The following GUCY1A2 variants were observed in gnomAD, a reference collection of about 807,000 sequenced individuals.
The protein encoded by GUCY1A2 is guanylate cyclase 1 soluble subunit alpha 2, also known as guanylate cyclase soluble subunit alpha-2.
Under a neutral mutation model 63.5 loss-of-function variants are expected in GUCY1A2, and 27 were observed. The ratio of observed to expected loss-of-function variants is 0.43; its 90% confidence interval spans 0.31 to 0.59. The LOEUF (loss-of-function observed/expected upper bound fraction) is 0.59, where lower values mean the gene tolerates loss of function less well. GUCY1A2 is among the 20% of genes least tolerant of loss of function. The pLI is 0.11. For synonymous variants in GUCY1A2, 364 were observed against 343.5 expected (o/e 1.06, Z -0.66); for missense variants, 768 against 913.3 (o/e 0.84, Z 2.05).
At position 107,015,561 on chromosome 11, in the gene GUCY1A2, C is replaced by CAA. The variant is rs568139219; in HGVS notation, c.303+2190_303+2191dup. Reference sequence around the variant, plus strand: ...TTAGAAATCTGTAAATTCTCTTAGGCAAAAAAAAAAAAAAAAAAAAAAAAA... The same window carrying CAA: ...TTAGAAATCTGTAAATTCTCTTAGGCAAAAAAAAAAAAAAAAAAAAAAAAAAA... On this transcript the variant is annotated intron_variant, in intron 1 of 7. Coordinates refer to ENST00000526355, the MANE Select transcript of GUCY1A2 (RefSeq NM_000855.3). Among the ~76,000 whole-genome samples, 4 of 27,480 alleles carry CAA rather than the reference C, an allele frequency of 1.5e-4. 2 individuals are homozygous for CAA. The highest frequency in any genetic ancestry group is 2.3e-4 in the African/African-American group (2 of 8,738). 18.0% of individuals were successfully genotyped at this position (27,480 alleles called of 152,430 possible). A position where few individuals can be genotyped will look rare whatever the true frequency, so the allele number is the denominator to read the frequency against.
rs1219331677 is a variant in GUCY1A2 at position 106,680,384 on chromosome 11, A to T, written c.*7165T>A. 3 of 209,310 alleles carry T rather than the reference A, an allele frequency of 1.4e-5. No individual in the cohort carries two copies. In the East Asian group the frequency reaches 2.2e-4, roughly 15 times the overall value. 13.0% of individuals were successfully genotyped at this position (209,310 alleles called of 1,614,324 possible). A position where few individuals can be genotyped will look rare whatever the true frequency, so the allele number is the denominator to read the frequency against. ...CAAAAAGTCCACAGAAGAAGACTGA[A>T]TATAAAGTGATTTCTTCAGTTTAAA... On this transcript the variant is annotated 3_prime_UTR_variant, in exon 8 of 8. Transcript: ENST00000526355.
At chr11:106,954,044 G>A (rs1860948602) in intron 3 of GUCY1A2, among the ~76,000 whole-genome samples, 3 of 151,820 alleles carry the variant, frequency 2.0e-5, no homozygotes, top group Admixed American at 2.0e-4. Context: ...GTTATCTCTT[G>A]TCTTCTGCTA....
At chr11:106,863,317 A>G (rs1260918326) in intron 4 of GUCY1A2, among the ~76,000 whole-genome samples, 1 of 152,120 alleles carries the variant, frequency 6.6e-6, no homozygotes, top group Non-Finnish European at 1.5e-5. Flanking sequence ...ATTTTTATAT[A>G]AGGTGTAAGG....
At chr11:106,901,039 A>T (rs916068360) in intron 4 of GUCY1A2, among the ~76,000 whole-genome samples, 14 of 152,212 alleles carry the variant, frequency 9.2e-5, no homozygotes, top group Non-Finnish European at 1.9e-4. Flanking sequence ...ATGCAATGAT[A>T]TTTGATAGCA....
chr11:106,710,954 C>T (rs1020088481), intron 6 of GUCY1A2, among the ~76,000 whole-genome samples: 16 of 152,060 alleles, frequency 1.1e-4, no homozygotes, highest in African/African-American at 3.1e-4. Flanking sequence ...GAGACTTCTG[C>T]ATATATCAAC....
chr11:106,691,618 C>A (rs1196228030), intron 7 of GUCY1A2, among the ~76,000 whole-genome samples: 4 of 152,166 alleles, frequency 2.6e-5, no homozygotes, highest in Admixed American at 2.6e-4. Flanking sequence ...GATGTCAGAA[C>A]TTTTAAATAA....
At chr11:106,947,327 T>C (rs959616566) in intron 3 of GUCY1A2, among the ~76,000 whole-genome samples, 2 of 151,098 alleles carry the variant, frequency 1.3e-5, no homozygotes, top group Non-Finnish European at 2.9e-5. Flanking sequence ...ATCAGCAAAA[T>C]CATAGAGAAA....
intron 5 of GUCY1A2, among the ~76,000 whole-genome samples, chr11:106,785,658 T>C (rs1379428253): frequency 1.3e-5 from 2 of 152,092 alleles, no homozygotes; most frequent in Non-Finnish European, 2.9e-5. Flanking sequence ...AAGTTTTCAA[T>C]TGCAAAATTC....
intron 1 of GUCY1A2, among the ~76,000 whole-genome samples, chr11:107,004,904 A>G (rs1861653348): frequency 6.6e-6 from 1 of 152,192 alleles, no homozygotes; most frequent in Non-Finnish European, 1.5e-5. Flanking sequence ...CAAGGAGTGC[A>G]TCATAGAACC....
intron 6 of GUCY1A2, among the ~76,000 whole-genome samples, chr11:106,741,292 A>C (rs1370144232): frequency 6.6e-6 from 1 of 152,248 alleles, no homozygotes; most frequent in Non-Finnish European, 1.5e-5. Flanking sequence ...TTTTATTTAC[A>C]GCACATCTCA....
intron 1 of GUCY1A2, among the ~76,000 whole-genome samples, chr11:107,015,099 ATC>A (rs1251037722): frequency 1.3e-5 from 2 of 152,266 alleles, no homozygotes; most frequent in Admixed American, 6.5e-5. Flanking sequence ...TTGAAATATA[ATC>A]TCTCTCTTTT....
At position 106,973,921 on chromosome 11, in the gene GUCY1A2, A is replaced by T. The variant is rs76921168; in HGVS notation, c.487+4698T>A. ...TACTTGATATAAATTAACTCATTTA[A>T]TCGTCTTGGCAACTCTAGGAAGTGT... On this transcript the variant is annotated intron_variant, in intron 3 of 7. Transcript: ENST00000526355. Among the ~76,000 whole-genome samples, 992 of 152,210 alleles carry T rather than the reference A, an allele frequency of 6.5e-3. 31 individuals are homozygous for T. In the East Asian group the frequency reaches 0.093, roughly 14 times the overall value.
chr11:106,948,778 A>AG (rs1235537829), intron 3 of GUCY1A2, among the ~76,000 whole-genome samples: 1 of 152,212 alleles, frequency 6.6e-6, no homozygotes, highest in Admixed American at 6.5e-5. Flanking sequence ...ACCACAGAAC[A>AG]GTATTTCAAT....
At chr11:106,860,375 T>C (rs1335162145) in intron 4 of GUCY1A2, among the ~76,000 whole-genome samples, 1 of 151,938 alleles carries the variant, frequency 6.6e-6, no homozygotes, top group Non-Finnish European at 1.5e-5. Flanking sequence ...TCAAACATTT[T>C]ACATATTAAA....
At chr11:106,879,362 T>C (rs1261541406) in intron 4 of GUCY1A2, among the ~76,000 whole-genome samples, 1 of 152,050 alleles carries the variant, frequency 6.6e-6, no homozygotes, top group Non-Finnish European at 1.5e-5. Context: ...ATAAAACATG[T>C]ACTCAAAAAA....
At position 107,018,179 on chromosome 11, in the gene GUCY1A2, C is replaced by A. The variant is rs1861855826; in HGVS notation, c.-124G>T. 1.2e-5 allele frequency: 5 copies of A among 407,068 alleles called. No individual in the cohort carries two copies. The South Asian group carries it at 5.4e-4, about 44-fold the overall frequency. 25.2% of individuals were successfully genotyped at this position (407,068 alleles called of 1,614,324 possible). ...CGTCGGGGCCGCGGGGCGCTGCGGT[C>A]GCGCCCGGCGGGGCGGGAGTCCCCG... is the stretch of plus-strand genomic sequence containing the variant. On this transcript the variant is annotated 5_prime_UTR_variant, in exon 1 of 8. Coordinates refer to ENST00000526355, the MANE Select transcript of GUCY1A2 (RefSeq NM_000855.3).
intron 4 of GUCY1A2, among the ~76,000 whole-genome samples, chr11:106,923,360 TG>T (rs1256972310): frequency 6.6e-6 from 1 of 152,200 alleles, no homozygotes; most frequent in African/African-American, 2.4e-5. Context: ...AAACACTTGC[TG>T]TATGCAAAGA....
intron 7 of GUCY1A2, among the ~76,000 whole-genome samples, chr11:106,704,204 G>C (rs1057404468): frequency 6.6e-6 from 1 of 152,134 alleles, no homozygotes; most frequent in Non-Finnish European, 1.5e-5. Context: ...TAAATTATGA[G>C]ATTCAAGTGA....
intron 3 of GUCY1A2, among the ~76,000 whole-genome samples, chr11:106,975,192 CTT>C (rs1468018804): frequency 1.3e-5 from 2 of 152,158 alleles, no homozygotes; most frequent in African/African-American, 2.4e-5. Context: ...CTCCTACTCA[CTT>C]TGTCTCCCTG....
Sources: allele counts gnomAD v4.1 joint callset (sites outside exome capture counted in the v4.1 genomes callset), GRCh38; gene constraint gnomAD v4.1.1; transcripts MANE v1.5; gene names NCBI Gene and HGNC (gene_info 2026-07-23, HGNC 2026-07-21).